The following CAPN5 variants were observed in gnomAD, a reference collection of about 807,000 sequenced individuals.
The protein encoded by CAPN5 is calpain 5, also known as calpain-5.
A neutral mutation model predicts 73.0 loss-of-function variants in CAPN5; 54 were observed. The observed-to-expected ratio is 0.74, with a 90% CI of 0.59 to 0.93. CAPN5 has a LOEUF of 0.93. Ranked by LOEUF, CAPN5 falls within the 40% of genes least tolerant of loss-of-function variation. The probability of loss-of-function intolerance (pLI) is 0.00; values close to 1 mark genes in which losing one functional copy is unlikely to be tolerated. For synonymous variants in CAPN5, 335 were observed against 356.9 expected (o/e 0.94, Z 0.69); for missense variants, 785 against 882.9 (o/e 0.89, Z 1.41).
rs116118955 is a variant in CAPN5 at position 77,085,894 on chromosome 11, C to T, written c.165+843C>T. Among the ~76,000 whole-genome samples the T allele has an allele frequency of 7.1e-3, 1,086 of 152,294 alleles. 12 individuals are homozygous for T. The highest frequency in any genetic ancestry group is 0.025 in the African/African-American group (1,025 of 41,548). On this transcript the variant is annotated intron_variant, in intron 2 of 12. Coordinates refer to ENST00000648180, the MANE Select transcript of CAPN5 (RefSeq NM_004055.5). ...CTAGTGACACTGAGGGTCGTCCCCT[C>T]ACAATGCGGGAGACCATGCTGCTGT...
At chr11:77,089,081 A>G (rs3824888) in intron 2 of CAPN5, among the ~76,000 whole-genome samples, 20,649 of 152,200 alleles carry the variant, frequency 0.14, 1,760 homozygotes, top group Middle Eastern at 0.2. Context: ...TAAGCCTAGA[A>G]GTGGGCAAAG....
chr11:77,068,969 G>C (rs1949873920), intron 1 of CAPN5, among the ~76,000 whole-genome samples: 1 of 152,168 alleles, frequency 6.6e-6, no homozygotes, highest in African/African-American at 2.4e-5. Context: ...TCCCAGGCCA[G>C]CACTGTCTCT....
intron 2 of CAPN5, among the ~76,000 whole-genome samples, chr11:77,087,625 G>C (rs180850575): frequency 3.3e-5 from 5 of 152,284 alleles, no homozygotes; most frequent in East Asian, 1.9e-4. Flanking sequence ...AGTCACTCCT[G>C]CTTGGGCCTC....
intron 6 of CAPN5, 148 bp downstream of exon 6, chr11:77,115,736 C>A: frequency 1.5e-6 from 1 of 672,512 alleles, no homozygotes; most frequent in Non-Finnish European, 2.5e-6. Context: ...AATTACTTTG[C>A]AGTGGTTGTA....
At chr11:77,112,895 G>GA in intron 4 of CAPN5, 98 bp downstream of exon 4, 1 of 1,148,684 alleles carries the variant, frequency 8.7e-7, no homozygotes, top group South Asian at 1.4e-5. Flanking sequence ...TTTAGGCACA[G>GA]AGAAGTGAGG....
At chr11:77,074,941 C>T (rs892916939) in intron 1 of CAPN5, among the ~76,000 whole-genome samples, 10 of 152,204 alleles carry the variant, frequency 6.6e-5, no homozygotes, top group South Asian at 4.1e-4. Flanking sequence ...CCAGCCCCTC[C>T]GCATCCACAC....
chr11:77,067,450 C>G (rs1254857042), intron 1 of CAPN5, among the ~76,000 whole-genome samples: 1 of 152,156 alleles, frequency 6.6e-6, no homozygotes, highest in Non-Finnish European at 1.5e-5. Context: ...CAGTTCCCCC[C>G]TTCTCTTCCC....
intron 3 of CAPN5, chr11:77,102,809 C>A: frequency 6.6e-7 from 1 of 1,526,074 alleles, no homozygotes; most frequent in South Asian, 1.3e-5. Flanking sequence ...CCACTTGGGT[C>A]CTTGGCGTTG....
intron 7 of CAPN5, 69 bp downstream of exon 7, chr11:77,116,372 G>C: frequency 3.1e-6 from 4 of 1,288,032 alleles, no homozygotes; most frequent in Non-Finnish European, 4.4e-6. Context: ...GGGAGCACCA[G>C]GTGGGGAGTC....
chr11:77,114,433 A>G lies in CAPN5; in HGVS notation c.698A>G (p.Lys233Arg), dbSNP rs782458870. ...SRGGLISASIKAVTAADMEAR... is the reference protein window; with the variant it reads ...SRGGLISASIRAVTAADMEAR... ...GGCGGCCTCATCAGTGCCTCCATCA[A>G]GGTGAGAACACGGCAGTCCCCAGAG... The change falls in exon 5 of 13, where the codon AAG (lysine) becomes AGG (arginine). Residue 233 changes from lysine to arginine, a missense_variant and splice_region_variant. Transcript: ENST00000648180. 33 of 1,613,986 alleles carry G rather than the reference A, an allele frequency of 2.0e-5. No individual in the cohort carries two copies. In the Admixed American group the frequency reaches 5.3e-4, roughly 26 times the overall value.
intron 2 of CAPN5, among the ~76,000 whole-genome samples, chr11:77,086,469 C>T (rs782110545): frequency 6.6e-6 from 1 of 152,172 alleles, no homozygotes; most frequent in Non-Finnish European, 1.5e-5. Flanking sequence ...ATAAAGGGCC[C>T]CTGGTGCCCT....
chr11:77,097,368 G>A (rs1000047045), intron 3 of CAPN5, among the ~76,000 whole-genome samples: 2 of 151,570 alleles, frequency 1.3e-5, no homozygotes, highest in Non-Finnish European at 2.9e-5. Context: ...TACTGGGGAC[G>A]AAAGGCTTGA....
chr11:77,073,165 T>C (rs1555033391), intron 1 of CAPN5: 2 of 1,184,030 alleles, frequency 1.7e-6, no homozygotes, highest in Non-Finnish European at 1.1e-6. Context: ...CTGGGTTGCC[T>C]GGGACTGTGG....
At chr11:77,109,402 T>G (rs2135469330) in intron 3 of CAPN5, among the ~76,000 whole-genome samples, 1 of 152,320 alleles carries the variant, frequency 6.6e-6, no homozygotes, top group African/African-American at 2.4e-5. Context: ...ATGAGTTGAT[T>G]CCCTACCCAC....
At chr11:77,117,410 G>A (rs1323570764) in intron 7 of CAPN5, among the ~76,000 whole-genome samples, 3 of 152,074 alleles carry the variant, frequency 2.0e-5, no homozygotes, top group South Asian at 4.1e-4. Context: ...TTCTGTCAGG[G>A]CCCCCAGGCA....
chr11:77,112,480 A>C, intron 3 of CAPN5, 109 bp from the exon 4 acceptor site: 1 of 831,656 alleles, frequency 1.2e-6, no homozygotes, highest in Non-Finnish European at 2.0e-6. Flanking sequence ...ATCCGAACCC[A>C]GTATTCCTTT....
rs1160895416 is a variant in CAPN5 at position 77,114,288 on chromosome 11, G to A, written c.553G>A (p.Ala185Thr). The A allele has an allele frequency of 1.9e-6, 3 of 1,614,078 alleles. No individual in the cohort carries two copies. The highest frequency in any genetic ancestry group is 1.1e-5 in the South Asian group (1 of 91,086). ...QALDGGNTAD[A>T]LVDFTGGVSE... ...CCTGGATGGAGGCAACACAGCAGACGCACTGGTGGACTTCACGGGTGGTGT... is the reference window on the plus strand; with the variant it reads ...CCTGGATGGAGGCAACACAGCAGACACACTGGTGGACTTCACGGGTGGTGT... Residue 185 changes from alanine (A) to threonine (T), a missense_variant, in exon 5 of 13, where the codon GCA becomes ACA. Ala to Thr is a moderately conservative substitution (Grantham distance 58, BLOSUM62 0). Transcript: ENST00000648180.
intron 11 of CAPN5, 45 bp from the exon 12 acceptor site, chr11:77,122,531 G>GCCCCCCCCCCCCCCCACC: frequency 1.6e-6 from 2 of 1,228,394 alleles, no homozygotes; most frequent in Non-Finnish European, 1.2e-6. Context: ...CCCTGCCACA[G>GCCCCCCCCCCCCCCCACC]CCCCCACCCC....
chr11:77,086,124 A>G (rs781890185), intron 2 of CAPN5, among the ~76,000 whole-genome samples: 1 of 152,206 alleles, frequency 6.6e-6, no homozygotes, highest in African/African-American at 2.4e-5. Context: ...ATCTGGGGCC[A>G]AGATGCTCGA....
Sources: gnomAD v4.1 joint callset for allele counts (sites outside exome capture counted in the v4.1 genomes callset) on GRCh38, gnomAD v4.1.1 for gene constraint, MANE v1.5 for transcripts, NCBI Gene and HGNC (gene_info 2026-07-23, HGNC 2026-07-21) for gene names.